Variants in PGM2L1 observed in about 807,000 individuals in gnomAD.
PGM2L1 encodes glucose 1,6-bisphosphate synthase.
PGM2L1 carries 35 observed loss-of-function variants against 73.4 expected under a neutral mutation model. The ratio of observed to expected loss-of-function variants is 0.48; its 90% CI spans 0.36 to 0.63. PGM2L1 has a LOEUF of 0.63. PGM2L1 is among the 30% of genes least tolerant of loss of function. The probability of loss-of-function intolerance (pLI) is 0.00; values close to 1 mark genes in which losing one functional copy is unlikely to be tolerated. For missense variants in PGM2L1, 570 were observed against 742.0 expected, an observed-to-expected ratio of 0.77 and a Z score of 2.69; for synonymous variants, 225 against 253.8, an observed-to-expected ratio of 0.89 and a Z score of 1.08.
At chr11:74,383,206 TTAAAA>T (rs1377853092) in intron 1 of PGM2L1, among the ~76,000 whole-genome samples, 2 of 152,074 alleles carry the variant, frequency 1.3e-5, no homozygotes, top group African/African-American at 4.8e-5. Flanking sequence ...TAATAATACA[TTAAAA>T]TAATGTATTA....
In PGM2L1 at chr11:74,332,208, A is replaced by C. The variant is rs933465123; in HGVS notation, c.*4444T>G. ...GTGCTTTGGCTCCCCAAGTACAAGG[A>C]AACCTGAAATAGAATGTTATGTCAA... On this transcript the variant is annotated 3_prime_UTR_variant, in exon 14 of 14. Coordinates refer to ENST00000298198, the MANE Select transcript of PGM2L1 (RefSeq NM_173582.6). 6.6e-6 allele frequency: 1 copy of C among 152,232 alleles called. No homozygotes were observed. The highest frequency in any genetic ancestry group is 2.4e-5 in the African/African-American group (1 of 41,452). 9.4% of individuals were successfully genotyped at this position (152,232 alleles called of 1,614,324 possible).
rs1863214597 is a variant in PGM2L1 at position 74,398,302 on chromosome 11, C to A, written c.-141G>T. The A allele has an allele frequency of 1.9e-5, 24 of 1,250,170 alleles. No individual in the cohort carries two copies. Among genetic ancestry groups the A allele is most frequent in the Non-Finnish European group, 2.5e-5 (24 of 957,936 alleles). 77.4% of individuals were successfully genotyped at this position (1,250,170 alleles called of 1,614,324 possible). On this transcript the variant is annotated 5_prime_UTR_variant, in exon 1 of 14. Transcript: ENST00000298198. The stretch of plus-strand genomic sequence containing the variant: ...GAGACCAACCGCAGGGTGTTCGTAA[C>A]AGCTCCTGCCGCGGCGTCAGGGAAC...
rs148132320 is a variant in PGM2L1, at chr11:74,359,424, T to C, written c.556-7848A>G. Among the ~76,000 whole-genome samples, 200 of 151,782 alleles carry C rather than the reference T, an allele frequency of 1.3e-3. 1 individual carries two copies. The highest frequency in any genetic ancestry group is 4.6e-3 in the African/African-American group (190 of 41,216). ...AAAAATACAATGTCACAAATACAAA[T>C]ATATACACATACACACACACACACA... On this transcript the variant is annotated intron_variant, in intron 5 of 13. Coordinates refer to ENST00000298198, the MANE Select transcript of PGM2L1 (RefSeq NM_173582.6).
chr11:74,383,086 G>A (rs371209346), intron 1 of PGM2L1, among the ~76,000 whole-genome samples: 1 of 151,890 alleles, frequency 6.6e-6, no homozygotes, highest in Admixed American at 6.6e-5. Flanking sequence ...AAATAATCAC[G>A]GATTCATGTT....
rs540322850 is a variant in PGM2L1 at position 74,351,454 on chromosome 11, C to A, written c.678G>T (p.Pro226=). The change falls in exon 6 of 14, where the codon CCG becomes CCT. Residue 226 remains proline, a synonymous_variant. Coordinates refer to ENST00000298198, the MANE Select transcript of PGM2L1 (RefSeq NM_173582.6). Reference sequence around the variant, plus strand: ...TGTCCTGCAGAGGGTCTCTCTTCAGCGGGCTGGTATCCACTAAATTATCAT... The same window carrying A: ...TGTCCTGCAGAGGGTCTCTCTTCAGAGGGCTGGTATCCACTAAATTATCAT... ...SWNDNLVDTS[P]LKRDPLQDIC... is the part of the protein sequence containing the mutation. The A allele has an allele frequency of 1.8e-4, 283 of 1,614,066 alleles. 4 individuals carry two copies. The South Asian group carries it at 2.9e-3, about 17-fold the overall frequency.
chr11:74,361,750 T>C (rs1291069520), intron 5 of PGM2L1, among the ~76,000 whole-genome samples: 2 of 152,156 alleles, frequency 1.3e-5, no homozygotes, highest in Non-Finnish European at 2.9e-5. Context: ...ACGTGACGAA[T>C]GCACAAGCTT....
In PGM2L1 at chr11:74,372,750, T is replaced by C. The variant is rs552775292; in HGVS notation, c.280-933A>G. Among the ~76,000 whole-genome samples, 5 of 152,292 alleles carry C rather than the reference T, an allele frequency of 3.3e-5. No individual in the cohort carries two copies. The South Asian group carries it at 1.0e-3, about 32-fold the overall frequency. ...GTTATACTGATTTATTGAAGACCTA[T>C]TATATGGCAGGCACTGCTAAATAAG... On this transcript the variant is annotated intron_variant, in intron 2 of 13. Transcript: ENST00000298198.
intron 1 of PGM2L1, among the ~76,000 whole-genome samples, chr11:74,384,404 T>A (rs1862992007): frequency 6.6e-6 from 1 of 152,114 alleles, no homozygotes; most frequent in African/African-American, 2.4e-5. Context: ...TTTTTTAATC[T>A]TCTTGATCTT....
chr11:74,378,999 G>A (rs907061774), intron 1 of PGM2L1, among the ~76,000 whole-genome samples: 1 of 152,138 alleles, frequency 6.6e-6, no homozygotes, highest in Non-Finnish European at 1.5e-5. Flanking sequence ...CTATAAAAGA[G>A]TGTAAAAAAA....
At chr11:74,379,205 G>A (rs1452713018) in intron 1 of PGM2L1, among the ~76,000 whole-genome samples, 1 of 152,116 alleles carries the variant, frequency 6.6e-6, no homozygotes, top group African/African-American at 2.4e-5. Context: ...GGGAAGGATA[G>A]CCAGCCTATC....
chr11:74,359,634 AG>A (rs1862522839), intron 5 of PGM2L1, among the ~76,000 whole-genome samples: 1 of 152,082 alleles, frequency 6.6e-6, no homozygotes, highest in Non-Finnish European at 1.5e-5. Flanking sequence ...AGAAAGAAAA[AG>A]ACAGTCTGTA....
Position 74,371,605 on chromosome 11 carries a change from C to G in PGM2L1, c.386+106G>C. Reference sequence around the variant, plus strand: ...TAAATATTAGCATGTGATCACATTTCTATCTGACAGTCTACTGTTTCAGAA... The same window carrying G: ...TAAATATTAGCATGTGATCACATTTGTATCTGACAGTCTACTGTTTCAGAA... On this transcript the variant is annotated intron_variant, in intron 3 of 13. Coordinates refer to ENST00000298198, the MANE Select transcript of PGM2L1 (RefSeq NM_173582.6). 4.9e-6 allele frequency: 4 copies of G among 811,470 alleles called. No individual in the cohort carries two copies. In the Admixed American group the frequency reaches 9.0e-5, roughly 18 times the overall value. The allele number at this position is 811,470 out of a possible 1,614,324, so 50.3% of individuals were successfully genotyped here.
intron 5 of PGM2L1, among the ~76,000 whole-genome samples, chr11:74,359,971 A>G (rs1181054249): frequency 6.6e-6 from 1 of 152,206 alleles, no homozygotes; most frequent in Non-Finnish European, 1.5e-5. Flanking sequence ...CTACCTACGA[A>G]CTTACATTTA....
At chr11:74,393,071 C>A (rs1863126657) in intron 1 of PGM2L1, among the ~76,000 whole-genome samples, 1 of 152,178 alleles carries the variant, frequency 6.6e-6, no homozygotes, top group South Asian at 2.1e-4. Context: ...TAACTACTAC[C>A]TGCCTAACAC....
At chr11:74,345,730 C>G in intron 8 of PGM2L1, 81 bp from the exon 9 acceptor site, 1 of 1,243,244 alleles carries the variant, frequency 8.0e-7, no homozygotes, top group Non-Finnish European at 1.1e-6. Context: ...AAATTACCAT[C>G]CTTCAGTTAG....
chr11:74,364,197 T>C (rs1476533700), intron 5 of PGM2L1, among the ~76,000 whole-genome samples: 1 of 152,104 alleles, frequency 6.6e-6, no homozygotes, highest in Non-Finnish European at 1.5e-5. Flanking sequence ...ATAAATTAGG[T>C]ATTAATGGGA....
chr11:74,379,902 GA>G, intron 1 of PGM2L1, among the ~76,000 whole-genome samples: 1 of 152,096 alleles, frequency 6.6e-6, no homozygotes, highest in South Asian at 2.1e-4. Flanking sequence ...CTCCAGCCTG[GA>G]CAACAAGAGT....
intron 1 of PGM2L1, among the ~76,000 whole-genome samples, chr11:74,381,403 T>G (rs1407716063): frequency 6.6e-6 from 1 of 152,090 alleles, no homozygotes; most frequent in African/African-American, 2.4e-5. Flanking sequence ...GAGGAGTATG[T>G]AGCAACAAGA....
chr11:74,383,049 T>C (rs1190313774), intron 1 of PGM2L1, among the ~76,000 whole-genome samples: 1 of 152,214 alleles, frequency 6.6e-6, no homozygotes, highest in East Asian at 1.9e-4. Context: ...GTTTTAGCAA[T>C]TCTACTTCTA....
Sources: allele counts gnomAD v4.1 joint callset (sites outside exome capture counted in the v4.1 genomes callset), GRCh38; gene constraint gnomAD v4.1.1; transcripts MANE v1.5; gene names NCBI Gene and HGNC (gene_info 2026-07-23, HGNC 2026-07-21).